The following KDM7A variants were observed in gnomAD, a reference collection of about 807,000 sequenced individuals.
The protein encoded by KDM7A is lysine demethylase 7A, also known as lysine-specific demethylase 7A.
KDM7A carries 28 observed loss-of-function variants against 114.8 expected under a neutral mutation model. The ratio of observed to expected loss-of-function variants is 0.24; its 90% CI spans 0.18 to 0.33. The LOEUF (loss-of-function observed/expected upper bound fraction) is 0.33. KDM7A is among the 10% of genes least tolerant of loss of function. KDM7A has a pLI of 1.00. For missense variants in KDM7A, 942 were observed against 1,142.5 expected, an observed-to-expected ratio of 0.82 and a Z score of 2.53; for synonymous variants, 423 against 397.8, an observed-to-expected ratio of 1.06 and a Z score of -0.75.
intron 6 of KDM7A, 97 bp downstream of exon 6, chr7:140,126,540 C>T: frequency 3.0e-6 from 2 of 660,686 alleles, no homozygotes; most frequent in Non-Finnish European, 4.6e-6. Flanking sequence ...AAAACTTCCC[C>T]CTTTACAAGT....
intron 2 of KDM7A, among the ~76,000 whole-genome samples, chr7:140,135,871 C>A (rs1193520281): frequency 2.0e-5 from 3 of 150,960 alleles, no homozygotes; most frequent in South Asian, 2.1e-4. Flanking sequence ...GTATTTCATA[C>A]CCCTGGGTTA....
intron 10 of KDM7A, among the ~76,000 whole-genome samples, chr7:140,113,053 C>T (rs746784134): frequency 5.3e-4 from 80 of 152,196 alleles, no homozygotes; most frequent in Non-Finnish European, 9.8e-4. Context: ...TTCTCTTGGG[C>T]AAGTTACTTA....
At chr7:140,111,969 G>T (rs1477230096) in intron 10 of KDM7A, among the ~76,000 whole-genome samples, 1 of 151,644 alleles carries the variant, frequency 6.6e-6, no homozygotes, top group Non-Finnish European at 1.5e-5. Context: ...AGCTCTAAAG[G>T]GAATTCTGAT....
chr7:140,118,580 ATT>A (rs34658145), intron 9 of KDM7A, among the ~76,000 whole-genome samples: 14 of 137,834 alleles, frequency 1.0e-4, no homozygotes, highest in Admixed American at 1.5e-4. Context: ...TAATTTTTGT[ATT>A]TTTTTTTTTT....
chr7:140,096,171 G>C (rs535709785), intron 17 of KDM7A, among the ~76,000 whole-genome samples: 1 of 152,178 alleles, frequency 6.6e-6, no homozygotes, highest in Admixed American at 6.5e-5. Flanking sequence ...CAATCAGAAA[G>C]AAACAGTTTA....
At chr7:140,116,817 A>G (rs1415307682) in intron 9 of KDM7A, among the ~76,000 whole-genome samples, 1 of 152,222 alleles carries the variant, frequency 6.6e-6, no homozygotes, top group Non-Finnish European at 1.5e-5. Flanking sequence ...AAGTTGAAAC[A>G]AAGGATTTCG....
Position 140,161,832 on chromosome 7 carries a change from T to C in KDM7A, c.194+14912A>G, listed in dbSNP as rs1205972254. ...GTGCTAGGATTACAGGCGTGAGCCATTTGATATTTATTAATATTAAAGTAT... is the reference window on the plus strand; with the variant it reads ...GTGCTAGGATTACAGGCGTGAGCCACTTGATATTTATTAATATTAAAGTAT... On this transcript the variant is annotated intron_variant, in intron 1 of 19. Coordinates refer to ENST00000397560, the MANE Select transcript of KDM7A (RefSeq NM_030647.2). Among the ~76,000 whole-genome samples, 5 of 151,986 alleles carry C rather than the reference T, an allele frequency of 3.3e-5. No homozygotes were observed. The East Asian group carries it at 9.8e-4, about 30-fold the overall frequency.
At chr7:140,093,993 A>G in intron 18 of KDM7A, 63 bp downstream of exon 18, 1 of 1,025,182 alleles carries the variant, frequency 9.8e-7, no homozygotes, top group East Asian at 2.4e-5. Flanking sequence ...TTAAAAAAGA[A>G]AGCAAAAACA....
At chr7:140,148,437 T>C (rs1481073205) in intron 1 of KDM7A, among the ~76,000 whole-genome samples, 1 of 152,030 alleles carries the variant, frequency 6.6e-6, no homozygotes, top group Non-Finnish European at 1.5e-5. Flanking sequence ...AGATGGGAAA[T>C]AGTAACAGTA....
At chr7:140,160,647 A>G (rs1248593621) in intron 1 of KDM7A, among the ~76,000 whole-genome samples, 2 of 152,242 alleles carry the variant, frequency 1.3e-5, no homozygotes, top group African/African-American at 2.4e-5. Context: ...GGTGGCCCCA[A>G]CAAGTGATCC....
rs1818422628 is a variant in KDM7A at position 140,111,074 on chromosome 7, C to A, written c.1428+21G>T. On this transcript the variant is annotated intron_variant, in intron 11 of 19. Coordinates refer to ENST00000397560, the MANE Select transcript of KDM7A (RefSeq NM_030647.2). ...AAAGCAGATAATAATCAAGCATTTA[C>A]ATGACAGTTTCCACTCTTACCTCTA... 3.0e-6 allele frequency: 4 copies of A among 1,322,190 alleles called. No homozygotes were observed. In the East Asian group the frequency reaches 9.2e-5, roughly 30 times the overall value. The allele number at this position is 1,322,190 out of a possible 1,614,324, so 81.9% of individuals were successfully genotyped here. A position where few individuals can be genotyped will look rare whatever the true frequency, so the allele number is the denominator to read the frequency against.
At chr7:140,147,502 G>C (rs890241556) in intron 1 of KDM7A, among the ~76,000 whole-genome samples, 1 of 152,088 alleles carries the variant, frequency 6.6e-6, no homozygotes, top group African/African-American at 2.4e-5. Flanking sequence ...CGGAAATTTT[G>C]CTTCAAGTTT....
chr7:140,093,577 T>C (rs1818058151), intron 18 of KDM7A, among the ~76,000 whole-genome samples: 1 of 152,214 alleles, frequency 6.6e-6, no homozygotes, highest in African/African-American at 2.4e-5. Context: ...TGATAAAGTT[T>C]TAGTTTTTTC....
Position 140,091,892 on chromosome 7 carries a change from T to A in KDM7A, c.2643A>T (p.Pro881=). The A allele has an allele frequency of 1.2e-6, 2 of 1,614,068 alleles. No individual in the cohort carries two copies. The highest frequency in any genetic ancestry group is 1.7e-6 in the Non-Finnish European group (2 of 1,180,006). ...GCACCGAGAAGGAAGTTTCACCAAC[T>A]GGCCTTTCTGGGCTTAGACTGCCAT... The part of the protein sequence containing the change: ...ISNGSLSPER[P]VGETSFSVPL... Residue 881 remains proline (P), a synonymous_variant, in exon 19 of 20, where the codon CCA becomes CCT. Transcript: ENST00000397560.
chr7:140,129,456 A>G (rs1818753199), intron 4 of KDM7A, 37 bp downstream of exon 4: 1 of 1,528,142 alleles, frequency 6.5e-7, no homozygotes, highest in African/African-American at 1.4e-5. Context: ...TACTTTTACC[A>G]TGTTTTCCCA....
intron 1 of KDM7A, among the ~76,000 whole-genome samples, chr7:140,173,759 G>C (rs1444697985): frequency 2.0e-5 from 3 of 152,070 alleles, no homozygotes. Flanking sequence ...TTAATATAAA[G>C]GAACATTTTG....
chr7:140,168,988 CAA>C (rs1562962150), intron 1 of KDM7A, among the ~76,000 whole-genome samples: 1 of 152,068 alleles, frequency 6.6e-6, no homozygotes, highest in Non-Finnish European at 1.5e-5. Context: ...CAGACAGAAA[CAA>C]AGACAAATGT....
At chr7:140,165,878 T>C (rs1401248521) in intron 1 of KDM7A, among the ~76,000 whole-genome samples, 1 of 152,098 alleles carries the variant, frequency 6.6e-6, no homozygotes, top group Non-Finnish European at 1.5e-5. Flanking sequence ...TCCTAAGCTC[T>C]ATGGTAAGAA....
chr7:140,149,614 G>A (rs990435616), intron 1 of KDM7A, among the ~76,000 whole-genome samples: 5 of 152,208 alleles, frequency 3.3e-5, no homozygotes, highest in Non-Finnish European at 7.4e-5. Context: ...GGCTGGGTAT[G>A]AGGAATGTCT....
Sources: allele counts gnomAD v4.1 joint callset (sites outside exome capture counted in the v4.1 genomes callset), GRCh38; gene constraint gnomAD v4.1.1; transcripts MANE v1.5; gene names NCBI Gene and HGNC (gene_info 2026-07-23, HGNC 2026-07-21).